HNF4G: variants seen among roughly 807,000 people sequenced by gnomAD.
HNF4G encodes the protein hepatocyte nuclear factor 4-gamma.
HNF4G carries 21 observed loss-of-function variants against 50.9 expected under a neutral mutation model. The ratio of observed to expected loss-of-function variants is 0.41; its 90% CI spans 0.29 to 0.59. The LOEUF (loss-of-function observed/expected upper bound fraction) is 0.59, where lower values mean the gene tolerates loss of function less well. Among genes scored for constraint, HNF4G ranks in the 20% least tolerant of loss-of-function variants. HNF4G has a pLI of 0.26. For synonymous variants in HNF4G, 198 were observed against 185.6 expected (o/e 1.07, Z -0.54); for missense variants, 527 against 559.4 (o/e 0.94, Z 0.58).
At chr8:75,477,659 T>C (rs1428522527) in intron 1 of HNF4G, among the ~76,000 whole-genome samples, 2 of 151,662 alleles carry the variant, frequency 1.3e-5, no homozygotes, top group Non-Finnish European at 2.9e-5. Flanking sequence ...AAAATATATA[T>C]ATAAATATAT....
chr8:75,475,496 G>C (rs555800008), intron 1 of HNF4G, among the ~76,000 whole-genome samples: 1 of 152,104 alleles, frequency 6.6e-6, no homozygotes. Flanking sequence ...ATGTGTGTGC[G>C]TGTATTTATA....
intron 2 of HNF4G, among the ~76,000 whole-genome samples, chr8:75,501,843 G>A: frequency 8.5e-6 from 1 of 117,892 alleles, no homozygotes; most frequent in East Asian, 2.3e-4. Flanking sequence ...TTCATGATGA[G>A]AATACCTAAA....
chr8:75,556,066 T>A lies in HNF4G; in HGVS notation c.730T>A (p.Leu244Met). 6.8e-7 allele frequency: 1 copy of A among 1,476,332 alleles called. No individual in the cohort carries two copies. The highest frequency in any genetic ancestry group is 9.0e-7 in the Non-Finnish European group (1 of 1,115,542). 91.5% of individuals were successfully genotyped at this position (1,476,332 alleles called of 1,614,324 possible). Reference protein sequence around the residue: ...RSMMYKDILLLGNNYVIHRNS... With the variant: ...RSMMYKDILLMGNNYVIHRNS... ...CATGATGTATAAAGATATTTTGCTTTTGGGTAAGTTTTTTTTTTTTAATTT... is the reference window on the plus strand; with the variant it reads ...CATGATGTATAAAGATATTTTGCTTATGGGTAAGTTTTTTTTTTTTAATTT... The change falls in exon 6 of 10, where the codon TTG becomes ATG. Residue 244 changes from leucine to methionine, a missense_variant. Leu to Met is a conservative substitution (Grantham distance 15). This residue lies in a region of HNF4G where 308 missense variants were observed against 301.5 expected (regional missense o/e 1.02). Coordinates refer to ENST00000396423, the MANE Select transcript of HNF4G (RefSeq NM_004133.5).
At chr8:75,465,356 T>C (rs1056651837) in intron 1 of HNF4G, among the ~76,000 whole-genome samples, 3 of 152,196 alleles carry the variant, frequency 2.0e-5, no homozygotes, top group African/African-American at 7.2e-5. Flanking sequence ...CCAAGCATGA[T>C]TTTTAGTGAA....
intron 1 of HNF4G, among the ~76,000 whole-genome samples, chr8:75,410,668 C>T (rs1382911764): frequency 6.6e-6 from 1 of 152,100 alleles, no homozygotes; most frequent in African/African-American, 2.4e-5. Context: ...TGTTTTCCTT[C>T]CAAAGAGAAG....
At chr8:75,459,834 T>A (rs1417588785) in intron 1 of HNF4G, among the ~76,000 whole-genome samples, 1 of 152,010 alleles carries the variant, frequency 6.6e-6, no homozygotes, top group Non-Finnish European at 1.5e-5. Flanking sequence ...CTACTCAGAG[T>A]CCAAAAGAGT....
In HNF4G at chr8:75,530,625, C is replaced by A. The variant is rs75777328; in HGVS notation, c.-23-13186C>A. On this transcript the variant is annotated intron_variant, in intron 2 of 10. Transcript: ENST00000354370. ...AGACTAAAATGTATGATTTTGAGTTCAAAAATTTAGAAGGATTCAGTGAGA... is the reference window on the plus strand; with the variant it reads ...AGACTAAAATGTATGATTTTGAGTTAAAAAATTTAGAAGGATTCAGTGAGA... Among the ~76,000 whole-genome samples, 31 of 151,978 alleles carry A rather than the reference C, an allele frequency of 2.0e-4. No homozygotes were observed. The East Asian group carries it at 5.4e-3, about 27-fold the overall frequency.
rs927318635 is a variant in HNF4G, at chr8:75,522,990, G to T, written c.-23-20821G>T. On this transcript the variant is annotated intron_variant, in intron 2 of 10. Coordinates refer to the HNF4G transcript ENST00000354370. Reference sequence around the variant, plus strand: ...GCCTGTAATCCCAGCACTTTGGGAGGTCTAGCAGGGTGGATCACGAGGTCA... The same window carrying T: ...GCCTGTAATCCCAGCACTTTGGGAGTTCTAGCAGGGTGGATCACGAGGTCA... Among the ~76,000 whole-genome samples, 3 of 152,166 alleles carry T rather than the reference G, an allele frequency of 2.0e-5. No homozygotes were observed. The East Asian group carries it at 5.8e-4, about 30-fold the overall frequency.
In HNF4G at chr8:75,499,451, C is replaced by T. The variant is rs536417861; in HGVS notation, c.-24+9243C>T. On this transcript the variant is annotated intron_variant, in intron 2 of 10. Transcript: ENST00000354370. ...TTAATATATATGTAAGATGGCAATA[C>T]TCCACAAATTGATTTACATATTTAA... Among the ~76,000 whole-genome samples, 6 of 152,058 alleles carry T rather than the reference C, an allele frequency of 3.9e-5. No individual in the cohort carries two copies. In the East Asian group the frequency reaches 9.7e-4, roughly 24 times the overall value.
At chr8:75,548,393 T>A (rs1806853298) in intron 3 of HNF4G, among the ~76,000 whole-genome samples, 2 of 152,230 alleles carry the variant, frequency 1.3e-5, no homozygotes, top group Admixed American at 1.3e-4. Context: ...ATTTACTAAA[T>A]ACTTGTTGAA....
At chr8:75,532,467 TA>T (rs1482728662) in intron 2 of HNF4G, among the ~76,000 whole-genome samples, 2 of 152,102 alleles carry the variant, frequency 1.3e-5, no homozygotes, top group African/African-American at 4.8e-5. Flanking sequence ...GGTATATTTT[TA>T]AAATTATATT....
At chr8:75,539,151 C>T (rs937864629), upstream of HNF4G, among the ~76,000 whole-genome samples, 9 of 152,058 alleles carry the variant, frequency 5.9e-5, no homozygotes, top group African/African-American at 1.7e-4. Flanking sequence ...TAGATCTACA[C>T]GTTAGGGATA....
chr8:75,521,678 T>G (rs1806046075), intron 2 of HNF4G, among the ~76,000 whole-genome samples: 1 of 152,214 alleles, frequency 6.6e-6, no homozygotes, highest in African/African-American at 2.4e-5. Context: ...ATCTTTTACT[T>G]GATATATCTT....
At chr8:75,470,295 C>T (rs1812085380) in intron 1 of HNF4G, among the ~76,000 whole-genome samples, 1 of 152,136 alleles carries the variant, frequency 6.6e-6, no homozygotes, top group African/African-American at 2.4e-5. Flanking sequence ...AATCAGAGGA[C>T]ATATAAAGTG....
At chr8:75,439,591 T>C (rs1425316645) in intron 1 of HNF4G, among the ~76,000 whole-genome samples, 1 of 152,094 alleles carries the variant, frequency 6.6e-6, no homozygotes, top group East Asian at 1.9e-4. Context: ...GCAATGAATA[T>C]ACTAAAGATA....
At chr8:75,549,222 C>G (rs1428412167) in intron 3 of HNF4G, among the ~76,000 whole-genome samples, 1 of 152,120 alleles carries the variant, frequency 6.6e-6, no homozygotes. Flanking sequence ...TGATATATTT[C>G]TCTTTTTTAC....
intron 1 of HNF4G, among the ~76,000 whole-genome samples, chr8:75,479,606 CTT>C (rs1312986999): frequency 2.7e-5 from 4 of 146,734 alleles, no homozygotes; most frequent in East Asian, 4.0e-4. Flanking sequence ...GTATGTGTCT[CTT>C]ATATAAAGAA....
At chr8:75,507,296 C>T (rs1805610257) in intron 2 of HNF4G, among the ~76,000 whole-genome samples, 2 of 145,466 alleles carry the variant, frequency 1.4e-5, no homozygotes, top group Admixed American at 7.0e-5. Context: ...GTCTCGCTCT[C>T]TCGCCCAGGC....
At chr8:75,542,478 G>A (rs1044290822) in intron 1 of HNF4G, among the ~76,000 whole-genome samples, 1 of 138,898 alleles carries the variant, frequency 7.2e-6, no homozygotes, top group African/African-American at 2.7e-5. Flanking sequence ...TTTCTTTCCA[G>A]ACAGAAGGAA....
Sources: gnomAD v4.1 joint callset for allele counts (sites outside exome capture counted in the v4.1 genomes callset) on GRCh38, gnomAD v4.1.1 for gene constraint, gnomAD v4.1.1 regional missense constraint, MANE v1.5 for transcripts, NCBI Gene and HGNC (gene_info 2026-07-23, HGNC 2026-07-21) for gene names.